Variants in MAP1S observed in about 807,000 individuals in gnomAD.
MAP1S encodes microtubule associated protein 1S, also known as microtubule-associated protein 1S.
Under a neutral mutation model 60.9 loss-of-function variants are expected in MAP1S, and 27 were observed. The observed-to-expected ratio is 0.44, with a 90% CI of 0.33 to 0.61. The LOEUF (loss-of-function observed/expected upper bound fraction) is 0.61. MAP1S is among the 20% of genes least tolerant of loss of function. MAP1S has a pLI of 0.03. For missense variants in MAP1S, 1,608 were observed against 1,486.6 expected, an observed-to-expected ratio of 1.08 and a Z score of -1.34; for synonymous variants, 826 against 694.2, an observed-to-expected ratio of 1.19 and a Z score of -2.98.
chr19:17,720,632 A>T, intron 1 of MAP1S: 1 of 912,816 alleles, frequency 1.1e-6, no homozygotes, highest in Non-Finnish European at 1.6e-6. Context: ...CAGGGGAAAC[A>T]GCTGTTGCAA....
At chr19:17,720,190 C>T in intron 1 of MAP1S, 1 of 1,348,258 alleles carries the variant, frequency 7.4e-7, no homozygotes, top group South Asian at 1.8e-5. Flanking sequence ...TCACCTGCAG[C>T]CACTTGGCTC....
chr19:17,720,549 C>G, intron 1 of MAP1S: 3 of 1,447,520 alleles, frequency 2.1e-6, no homozygotes, highest in South Asian at 1.4e-5. Flanking sequence ...TCTTAGCACC[C>G]GAAGGTGCTG....
chr19:17,726,604 G>T lies in MAP1S; in HGVS notation c.1220G>T (p.Arg407Leu). Reference sequence around the variant, plus strand: ...CACCCGCCCTCCGCCGGCGCCGAGCGCACGCTGGCCTCTGTGTGCGCCCTG... The same window carrying T: ...CACCCGCCCTCCGCCGGCGCCGAGCTCACGCTGGCCTCTGTGTGCGCCCTG... ...VLHPPSAGAE[R>L]TLASVCALLV... Residue 407 changes from arginine (R) to leucine (L), a missense_variant, in exon 5 of 7, where the codon CGC becomes CTC. By Grantham distance (102) the Arg-to-Leu change is moderately radical (BLOSUM62 -2). This residue lies in a region of MAP1S where 1,167 missense variants were observed against 961.4 expected (regional missense o/e 1.21). Coordinates refer to ENST00000324096, the MANE Select transcript of MAP1S (RefSeq NM_018174.6). 1 of 1,570,568 alleles carries T rather than the reference G, an allele frequency of 6.4e-7. No individual in the cohort carries two copies.
At position 17,727,381 on chromosome 19, in the gene MAP1S, C is replaced by T; in HGVS notation, c.1997C>T (p.Pro666Leu). 1.3e-6 allele frequency: 2 copies of T among 1,592,154 alleles called. No homozygotes were observed. Among genetic ancestry groups the T allele is most frequent in the Admixed American group, 1.8e-5 (1 of 57,096 alleles). ...LSPLRGGEAG[P>L]DASPTVTTPT... ...CCACTGCGGGGCGGGGAGGCCGGGC[C>T]AGACGCCTCACCCACAGTGACCACA... is the stretch of plus-strand genomic sequence containing the variant. Residue 666 changes from proline (P) to leucine (L), a missense_variant, in exon 5 of 7, where the codon CCA becomes CTA. Physicochemically the swap from Pro to Leu is moderately conservative, Grantham distance 98. Coordinates refer to ENST00000324096, the MANE Select transcript of MAP1S (RefSeq NM_018174.6). The surrounding 1 kb of genome is among the most constrained non-coding windows in gnomAD (Gnocchi z 4.1).
intron 1 of MAP1S, 119 bp from the exon 2 acceptor site, chr19:17,720,817 A>G: frequency 2.5e-6 from 2 of 799,448 alleles, no homozygotes; most frequent in Non-Finnish European, 4.3e-6. Flanking sequence ...TGAGTCTCCA[A>G]GCTGTGAGTG....
chr19:17,721,242 G>T (rs1440434558), intron 2 of MAP1S: 12 of 583,750 alleles, frequency 2.1e-5, no homozygotes, highest in Non-Finnish European at 3.7e-5. Flanking sequence ...TTTTGTCCCT[G>T]ATTGACAGAT....
intron 2 of MAP1S, among the ~76,000 whole-genome samples, chr19:17,722,866 A>T (rs2080383735): frequency 6.6e-6 from 1 of 151,648 alleles, no homozygotes; most frequent in Admixed American, 6.6e-5. Flanking sequence ...AAGGGAAAAG[A>T]AGGAAAGAAA....
chr19:17,721,128 A>G (rs1035559551), intron 2 of MAP1S, 91 bp downstream of exon 2: 26 of 983,058 alleles, frequency 2.6e-5, no homozygotes, highest in East Asian at 9.5e-5. Flanking sequence ...GGATGCAGCT[A>G]TAAATAACAA....
Position 17,726,783 on chromosome 19 carries a change from C to A in MAP1S, c.1399C>A (p.Pro467Thr). The part of the protein sequence containing the change: ...PVVTPQDLEG[P>T]GRAESKESVG... ...GGTGACGCCCCAGGACCTGGAGGGG[C>A]CGGGGCGAGCCGAGAGCAAAGAGAG... Residue 467 changes from proline (P) to threonine (T), a missense_variant, in exon 5 of 7, where the codon CCG (proline) becomes ACG (threonine). This residue lies in a region of MAP1S where 1,167 missense variants were observed against 961.4 expected (regional missense o/e 1.21). Transcript: ENST00000324096. 6.4e-7 allele frequency: 1 copy of A among 1,552,446 alleles called. No homozygotes were observed. Among genetic ancestry groups the A allele is most frequent in the South Asian group, 1.2e-5 (1 of 84,388 alleles).
In MAP1S at chr19:17,720,302, A is replaced by C. The variant is rs1018222529; in HGVS notation, c.119-634A>C. The C allele has an allele frequency of 4.1e-6, 6 of 1,446,382 alleles. No homozygotes were observed. The Admixed American group carries it at 1.3e-4, about 30-fold the overall frequency. The allele number at this position is 1,446,382 out of a possible 1,614,324, so 89.6% of individuals were successfully genotyped here. ...GGCGTTTCATTGCATGTAAAATGGG[A>C]CAGGAACACGCACCTCGGTTCATGT... On this transcript the variant is annotated intron_variant, in intron 1 of 6. Transcript: ENST00000324096.
chr19:17,728,640 C>CT, intron 5 of MAP1S: 1 of 153,492 alleles, frequency 6.5e-6, no homozygotes, highest in East Asian at 1.9e-4. Context: ...ACTGCAACCT[C>CT]TGACTCCCGG....
At chr19:17,733,153 C>T (rs1318215259) in intron 5 of MAP1S, 40 bp from the exon 6 acceptor site, 3 of 1,388,572 alleles carry the variant, frequency 2.2e-6, no homozygotes, top group East Asian at 2.5e-5. Context: ...CTCCCCAGCC[C>T]CAGGAGCTCA....
chr19:17,731,701 T>C (rs1009678392), intron 5 of MAP1S, among the ~76,000 whole-genome samples: 2 of 152,258 alleles, frequency 1.3e-5, no homozygotes, highest in Non-Finnish European at 2.9e-5. Context: ...AGTCTCACTC[T>C]GTCGCCCAGG....
At chr19:17,730,972 C>T (rs752176614) in intron 5 of MAP1S, among the ~76,000 whole-genome samples, 11 of 150,908 alleles carry the variant, frequency 7.3e-5, no homozygotes, top group Non-Finnish European at 1.3e-4. Flanking sequence ...CTCACTGCAA[C>T]CTCCGCCTCC....
Position 17,726,915 on chromosome 19 carries a change from G to A in MAP1S, c.1531G>A (p.Ala511Thr), listed in dbSNP as rs1057383639. The A allele has an allele frequency of 1.9e-6, 3 of 1,564,262 alleles. No individual in the cohort carries two copies. The highest frequency in any genetic ancestry group is 8.7e-7 in the Non-Finnish European group (1 of 1,155,136). ...VARKEPARAE[A>T]PRKTEKEAKT... The stretch of plus-strand genomic sequence containing the variant: ...CCGCAAGGAGCCAGCACGGGCTGAG[G>A]CCCCACGCAAGACTGAGAAAGAAGC... The change falls in exon 5 of 7, where the codon GCC becomes ACC. Residue 511 changes from alanine (A) to threonine (T), a missense_variant. This residue lies in a region of MAP1S where 1,167 missense variants were observed against 961.4 expected (regional missense o/e 1.21). Transcript: ENST00000324096.
Position 17,726,741 on chromosome 19 carries a change from T to G in MAP1S, c.1357T>G (p.Phe453Val), listed in dbSNP as rs749094492. Residue 453 changes from phenylalanine (F) to valine (V), a missense_variant, in exon 5 of 7, where the codon TTC becomes GTC. By Grantham distance (50) the Phe-to-Val change is conservative. Coordinates refer to ENST00000324096, the MANE Select transcript of MAP1S (RefSeq NM_018174.6). ...CCTGGTCCGCCTGCAGCACTTGAGG[T>G]TCCTGCGAGAGCCCGTGGTGACGCC... ...DGLVRLQHLR[F>V]LREPVVTPQD... is the part of the protein sequence containing the mutation. 5.1e-6 allele frequency: 8 copies of G among 1,581,800 alleles called. No individual in the cohort carries two copies. The highest frequency in any genetic ancestry group is 6.0e-6 in the Non-Finnish European group (7 of 1,167,536).
intron 2 of MAP1S, among the ~76,000 whole-genome samples, chr19:17,723,042 A>AC (rs1337642465): frequency 1.3e-5 from 2 of 150,338 alleles, no homozygotes; most frequent in Non-Finnish European, 3.0e-5. Context: ...GCTCCTTGCC[A>AC]CCCCCCTCTC....
In MAP1S at chr19:17,720,213, G is replaced by C. The variant is rs561058035; in HGVS notation, c.118+593G>C. On this transcript the variant is annotated intron_variant, in intron 1 of 6. Transcript: ENST00000324096. ...AGCCACTTGGCTCAGTGGGACTGGC[G>C]GGCGTGATGCGCCCGTGGGTGGAGA... The C allele has an allele frequency of 7.8e-5, 106 of 1,367,454 alleles. 2 individuals are homozygous for C. The South Asian group carries it at 1.2e-3, about 15-fold the overall frequency. 84.7% of individuals were successfully genotyped at this position (1,367,454 alleles called of 1,614,324 possible). A position where few individuals can be genotyped will look rare whatever the true frequency, so the allele number is the denominator to read the frequency against.
At position 17,727,287 on chromosome 19, in the gene MAP1S, A is replaced by C. The variant is rs2080442780; in HGVS notation, c.1903A>C (p.Arg635=). The part of the protein sequence containing the change: ...ELPLAASSIP[R]PRTPSPESHR... The stretch of plus-strand genomic sequence containing the variant: ...GCCTTTGGCCGCCAGCTCAATCCCA[A>C]GGCCACGCACACCCTCCCCTGAGTC... The change falls in exon 5 of 7, where the codon AGG becomes CGG. Residue 635 remains arginine (R), a synonymous_variant. Transcript: ENST00000324096. The surrounding 1 kb of genome is among the most constrained non-coding windows in gnomAD (Gnocchi z 4.1). The C allele has an allele frequency of 6.3e-7, 1 of 1,587,956 alleles. No individual in the cohort carries two copies. Among genetic ancestry groups the C allele is most frequent in the South Asian group, 1.1e-5 (1 of 89,230 alleles).
Sources: allele counts gnomAD v4.1 joint callset (sites outside exome capture counted in the v4.1 genomes callset), GRCh38; gene constraint gnomAD v4.1.1; regional missense constraint gnomAD v4.1.1; non-coding constraint Gnocchi (gnomAD v3.1); transcripts MANE v1.5; gene names NCBI Gene and HGNC (gene_info 2026-07-23, HGNC 2026-07-21).